Variants in AKT3 observed in about 807,000 individuals in gnomAD.
The protein encoded by AKT3 is AKT serine/threonine kinase 3, also known as RAC-gamma serine/threonine-protein kinase.
AKT3 carries 15 observed loss-of-function variants against 65.3 expected under a neutral mutation model. That is an observed-to-expected ratio of 0.23 (90% confidence interval 0.15 to 0.35). The LOEUF (loss-of-function observed/expected upper bound fraction) is 0.35, where lower values mean the gene tolerates loss of function less well. Among genes scored for constraint, AKT3 ranks in the 10% least tolerant of loss-of-function variants. AKT3 has a pLI of 1.00. For missense variants in AKT3, 243 were observed against 576.5 expected, an observed-to-expected ratio of 0.42 and a Z score of 5.92; for synonymous variants, 206 against 183.8, an observed-to-expected ratio of 1.12 and a Z score of -0.98.
intron 8 of AKT3, among the ~76,000 whole-genome samples, chr1:243,596,812 G>C (rs559803953): frequency 1.3e-5 from 2 of 152,310 alleles, no homozygotes; most frequent in African/African-American, 4.8e-5. Context: ...ACCAGTGGGA[G>C]AGATTAACAA....
At chr1:243,690,768 C>T (rs190210502) in intron 3 of AKT3, among the ~76,000 whole-genome samples, 351 of 152,030 alleles carry the variant, frequency 2.3e-3, no homozygotes, top group Admixed American at 7.5e-3. Flanking sequence ...ATGTGATAGT[C>T]GAGACACTTG....
chr1:243,750,435 G>A (rs1025441717), intron 2 of AKT3, among the ~76,000 whole-genome samples: 10 of 135,604 alleles, frequency 7.4e-5, no homozygotes, highest in African/African-American at 2.2e-4. Context: ...ACACACACAC[G>A]CACGCACGCA....
At chr1:243,838,801 G>A (rs990803725) in intron 2 of AKT3, among the ~76,000 whole-genome samples, 1 of 152,068 alleles carries the variant, frequency 6.6e-6, no homozygotes, top group Non-Finnish European at 1.5e-5. Flanking sequence ...TTATTCAAAG[G>A]ACAAAGTCAG....
intron 2 of AKT3, among the ~76,000 whole-genome samples, chr1:243,788,381 A>T (rs1004632056): frequency 8.5e-5 from 13 of 152,244 alleles, no homozygotes; most frequent in African/African-American, 2.9e-4. Context: ...TACATTTCAT[A>T]GAATTTCCAC....
At chr1:243,787,729 A>T (rs1558810650) in intron 2 of AKT3, among the ~76,000 whole-genome samples, 1 of 152,314 alleles carries the variant, frequency 6.6e-6, no homozygotes, top group Admixed American at 6.5e-5. Context: ...TCCTTTGAGT[A>T]TACCAATTTG....
intron 3 of AKT3, among the ~76,000 whole-genome samples, chr1:243,670,583 T>G (rs963491257): frequency 6.6e-6 from 1 of 152,166 alleles, no homozygotes; most frequent in African/African-American, 2.4e-5. Flanking sequence ...GTAGAAACTT[T>G]GGATAGAGAT....
At chr1:243,705,491 C>G (rs1199902579) in intron 2 of AKT3, among the ~76,000 whole-genome samples, 1 of 152,158 alleles carries the variant, frequency 6.6e-6, no homozygotes, top group Non-Finnish European at 1.5e-5. Flanking sequence ...CCTTGTTCCA[C>G]TTGTTTTTAG....
chr1:243,507,319 G>C (rs1323271506), intron 13 of AKT3, among the ~76,000 whole-genome samples: 2 of 152,230 alleles, frequency 1.3e-5, no homozygotes, highest in African/African-American at 4.8e-5. Flanking sequence ...TTGAGAGACA[G>C]CCTTCATTCT....
chr1:243,600,180 C>T (rs895445978), intron 8 of AKT3, among the ~76,000 whole-genome samples: 13 of 151,912 alleles, frequency 8.6e-5, no homozygotes, highest in Non-Finnish European at 1.6e-4. Context: ...AATGGGAAAA[C>T]ATATACCATA....
At chr1:243,789,382 G>C (rs952425312) in intron 2 of AKT3, among the ~76,000 whole-genome samples, 2 of 152,094 alleles carry the variant, frequency 1.3e-5, no homozygotes, top group African/African-American at 2.4e-5. Context: ...ATGAGACTTT[G>C]TCTTTAAAAA....
At chr1:243,507,574 G>A (rs765480969) in intron 13 of AKT3, among the ~76,000 whole-genome samples, 4 of 152,198 alleles carry the variant, frequency 2.6e-5, no homozygotes, top group South Asian at 2.1e-4. Flanking sequence ...ACTCTGAGTC[G>A]GAGCCTGTCA....
At chr1:243,662,631 C>G (rs1288215950) in intron 4 of AKT3, among the ~76,000 whole-genome samples, 5 of 151,290 alleles carry the variant, frequency 3.3e-5, no homozygotes, top group Non-Finnish European at 5.9e-5. Context: ...GGGTGCAGCG[C>G]ACCAGCATGG....
chr1:243,582,447 C>CAAA (rs59718769), intron 8 of AKT3, among the ~76,000 whole-genome samples: 7 of 101,532 alleles, frequency 6.9e-5, no homozygotes, highest in Admixed American at 6.6e-4. Flanking sequence ...TTAGCTTTCT[C>CAAA]AAAAAAAAAA....
intron 13 of AKT3, chr1:243,489,190 A>AGGT (rs758581675): frequency 6.2e-7 from 1 of 1,601,302 alleles, no homozygotes; most frequent in South Asian, 1.1e-5. Context: ...GGGCGTCTAC[A>AGGT]GGTGGATCTT....
intron 2 of AKT3, among the ~76,000 whole-genome samples, chr1:243,698,913 CAAAAAA>C (rs536512566): frequency 8.7e-6 from 1 of 115,500 alleles, no homozygotes; most frequent in Non-Finnish European, 1.9e-5. Flanking sequence ...GAGGCTGGAC[CAAAAAA>C]AAAAAAAAAG....
intron 3 of AKT3, among the ~76,000 whole-genome samples, chr1:243,693,140 T>A (rs1684808415): frequency 6.7e-6 from 1 of 149,616 alleles, no homozygotes; most frequent in African/African-American, 2.5e-5. Context: ...AAAAGCCTAT[T>A]TTGGTAAAAT....
At chr1:243,811,566 G>A (rs1693157568) in intron 2 of AKT3, among the ~76,000 whole-genome samples, 1 of 152,136 alleles carries the variant, frequency 6.6e-6, no homozygotes, top group African/African-American at 2.4e-5. Context: ...TGGATAGGAA[G>A]AATCAATATT....
At chr1:243,520,039 A>ACAAATTT (rs1459820010) in intron 12 of AKT3, among the ~76,000 whole-genome samples, 1 of 152,226 alleles carries the variant, frequency 6.6e-6, no homozygotes, top group Admixed American at 6.5e-5. Context: ...CAACAGCTGA[A>ACAAATTT]CAAATTTCAA....
At chr1:243,740,913 A>G (rs1271332547) in intron 2 of AKT3, 1 of 152,092 alleles carries the variant, frequency 6.6e-6, no homozygotes, top group Non-Finnish European at 1.5e-5. Context: ...AGAAACCCCA[A>G]TCCTTCATCT....
Sources: allele counts gnomAD v4.1 joint callset (sites outside exome capture counted in the v4.1 genomes callset), GRCh38; gene constraint gnomAD v4.1.1; transcripts MANE v1.5; gene names NCBI Gene and HGNC (gene_info 2026-07-23, HGNC 2026-07-21).